CC2D2A: variants seen among roughly 807,000 people sequenced by gnomAD.
CC2D2A encodes the protein coiled-coil and C2 domain-containing protein 2A.
Under a neutral mutation model 212.9 loss-of-function variants are expected in CC2D2A, and 155 were observed. That is an observed-to-expected ratio of 0.73 (90% CI 0.64 to 0.83). The LOEUF (loss-of-function observed/expected upper bound fraction) is 0.83. CC2D2A is among the 40% of genes least tolerant of loss of function. The probability of loss-of-function intolerance (pLI) is 0.00; values close to 1 mark genes in which losing one functional copy is unlikely to be tolerated. For missense variants in CC2D2A, 1,856 were observed against 1,956.2 expected, an observed-to-expected ratio of 0.95 and a Z score of 0.97; for synonymous variants, 667 against 686.5, an observed-to-expected ratio of 0.97 and a Z score of 0.44.
intron 17 of CC2D2A, among the ~76,000 whole-genome samples, chr4:15,547,012 T>C (rs1560176170): frequency 6.7e-6 from 1 of 149,114 alleles, no homozygotes; most frequent in African/African-American, 2.5e-5. Context: ...GAATTCCCAT[T>C]AAAAAAAAAA....
chr4:15,485,679 G>C (rs909119644), intron 4 of CC2D2A, among the ~76,000 whole-genome samples: 3 of 152,148 alleles, frequency 2.0e-5, no homozygotes, highest in Admixed American at 6.5e-5. Context: ...ACTGGAGTAA[G>C]ATATCTCATT....
chr4:15,494,686 T>C (rs6811203), intron 4 of CC2D2A, among the ~76,000 whole-genome samples: 42,657 of 152,128 alleles, frequency 0.28, 6,115 homozygotes, highest in Admixed American at 0.37. Flanking sequence ...ACAATAAGAT[T>C]GTGTCCTATG....
Position 15,582,686 on chromosome 4 carries a change from T to C in CC2D2A, c.3975+2515T>C, listed in dbSNP as rs764011885. On this transcript the variant is annotated intron_variant, in intron 30 of 36. Transcript: ENST00000424120. Reference sequence around the variant, plus strand: ...AACAGAACAATAACAAGTAATGAGATTGAAGCTGTAATGAAAAGTCTCCTA... The same window carrying C: ...AACAGAACAATAACAAGTAATGAGACTGAAGCTGTAATGAAAAGTCTCCTA... Among the ~76,000 whole-genome samples the C allele has an allele frequency of 2.6e-5, 4 of 152,094 alleles. No homozygotes were observed. In the East Asian group the frequency reaches 7.7e-4, roughly 29 times the overall value.
chr4:15,585,413 C>G (rs1360987250), intron 30 of CC2D2A, among the ~76,000 whole-genome samples: 1 of 152,054 alleles, frequency 6.6e-6, no homozygotes. Flanking sequence ...ACAATATGAT[C>G]TCATGCATAT....
intron 33 of CC2D2A, among the ~76,000 whole-genome samples, chr4:15,592,718 T>A (rs1212231602): frequency 6.6e-6 from 1 of 152,196 alleles, no homozygotes; most frequent in Admixed American, 6.5e-5. Context: ...TTATTAATTG[T>A]GGCTCTATCT....
chr4:15,598,827 T>C (rs573801869), intron 35 of CC2D2A, among the ~76,000 whole-genome samples: 39 of 152,304 alleles, frequency 2.6e-4, no homozygotes, highest in African/African-American at 9.4e-4. Flanking sequence ...CATCTGTCTG[T>C]ATATATACTA....
At chr4:15,499,846 T>C (rs1180041136) in intron 4 of CC2D2A, among the ~76,000 whole-genome samples, 3 of 152,056 alleles carry the variant, frequency 2.0e-5, no homozygotes, top group Non-Finnish European at 4.4e-5. Flanking sequence ...GAAGCCCCTG[T>C]TAACCCACCC....
At chr4:15,567,549 C>T in intron 25 of CC2D2A, 67 bp downstream of exon 25, 1 of 1,402,454 alleles carries the variant, frequency 7.1e-7, no homozygotes, top group South Asian at 1.2e-5. Flanking sequence ...CTGTAAACTT[C>T]ATGGATAGTC....
chr4:15,551,181 A>G (rs187486557), intron 18 of CC2D2A, among the ~76,000 whole-genome samples: 157 of 152,362 alleles, frequency 1.0e-3, no homozygotes, highest in Non-Finnish European at 1.6e-3. Context: ...ATAACTGTGC[A>G]ACTATGAAGT....
intron 11 of CC2D2A, among the ~76,000 whole-genome samples, chr4:15,524,468 TGA>T (rs1717390767): frequency 8.0e-6 from 1 of 125,752 alleles, no homozygotes; most frequent in Non-Finnish European, 1.7e-5. Flanking sequence ...TTTTTTTTTT[TGA>T]GATGGAGTCT....
At chr4:15,514,604 A>T in intron 8 of CC2D2A, 103 bp from the exon 9 acceptor site, 1 of 856,146 alleles carries the variant, frequency 1.2e-6, no homozygotes, top group Non-Finnish European at 1.7e-6. Flanking sequence ...GAAAAGATAA[A>T]GTTGTAGGAA....
chr4:15,474,227 C>G (rs906058613), intron 1 of CC2D2A, among the ~76,000 whole-genome samples: 1 of 152,150 alleles, frequency 6.6e-6, no homozygotes, highest in African/African-American at 2.4e-5. Context: ...AGAACTTGTT[C>G]CAGGAGCCAA....
chr4:15,583,724 C>T (rs530438618), intron 30 of CC2D2A, among the ~76,000 whole-genome samples: 1 of 151,912 alleles, frequency 6.6e-6, no homozygotes, highest in Non-Finnish European at 1.5e-5. Context: ...CCGAGGCGGG[C>T]GGATCACGAG....
intron 4 of CC2D2A, among the ~76,000 whole-genome samples, chr4:15,488,136 A>G (rs902425101): frequency 6.6e-6 from 1 of 152,304 alleles, no homozygotes; most frequent in South Asian, 2.1e-4. Flanking sequence ...TTGTCTGTGT[A>G]CTTATGTTCA....
At position 15,475,937 on chromosome 4, in the gene CC2D2A, A is replaced by G. The variant is rs1210307395; in HGVS notation, c.5A>G (p.Asn2Ser). The change falls in exon 2 of 37, where the codon AAT (asparagine) becomes AGT (serine). Residue 2 changes from asparagine to serine, a missense_variant. Physicochemically the swap from Asn to Ser is conservative, Grantham distance 46 (BLOSUM62 1). Coordinates refer to ENST00000424120, the MANE Select transcript of CC2D2A (RefSeq NM_001378615.1). The part of the protein sequence containing the change: M[N>S]PREEKVKIIT... ...CAGGGACCCATCCCAGCCAAAATGAATCCCAGGGAAGAAAAAGTAAAAATA... is the reference window on the plus strand; with the variant it reads ...CAGGGACCCATCCCAGCCAAAATGAGTCCCAGGGAAGAAAAAGTAAAAATA... 2 of 1,588,256 alleles carry G rather than the reference A, an allele frequency of 1.3e-6. No individual in the cohort carries two copies. The highest frequency in any genetic ancestry group is 1.8e-5 in the Admixed American group (1 of 56,224).
chr4:15,540,296 T>C (rs1023870636), intron 16 of CC2D2A, among the ~76,000 whole-genome samples: 4 of 152,064 alleles, frequency 2.6e-5, no homozygotes, highest in African/African-American at 9.7e-5. Flanking sequence ...TTGTTTTTTT[T>C]TTTAACTTTC....
chr4:15,566,063 C>T (rs1303032697), intron 24 of CC2D2A, among the ~76,000 whole-genome samples: 1 of 152,148 alleles, frequency 6.6e-6, no homozygotes, highest in Non-Finnish European at 1.5e-5. Flanking sequence ...TTGTATTTTG[C>T]CCAGTGATGA....
intron 36 of CC2D2A, 43 bp from the exon 37 acceptor site, chr4:15,601,194 T>C (rs1285961257): frequency 2.7e-6 from 4 of 1,482,616 alleles, no homozygotes; most frequent in Non-Finnish European, 3.7e-6. Flanking sequence ...ATGTATTAAA[T>C]CTTCAAACTT....
In CC2D2A at chr4:15,559,145, T is replaced by C; in HGVS notation, c.2830-20T>C. On this transcript the variant is annotated intron_variant, in intron 21 of 36. Coordinates refer to ENST00000424120, the MANE Select transcript of CC2D2A (RefSeq NM_001378615.1). ...AGCACCAGAGAGTGCTTTAAAATCA[T>C]TGCCTCTTTTTAATTTTAGGACTAT... 2.8e-6 allele frequency: 4 copies of C among 1,436,148 alleles called. No individual in the cohort carries two copies. Among genetic ancestry groups the C allele is most frequent in the South Asian group, 1.3e-5 (1 of 78,166 alleles). 89.0% of individuals were successfully genotyped at this position (1,436,148 alleles called of 1,614,324 possible). A position where few individuals can be genotyped will look rare whatever the true frequency, so the allele number is the denominator to read the frequency against.
Sources: allele counts gnomAD v4.1 joint callset (sites outside exome capture counted in the v4.1 genomes callset), GRCh38; gene constraint gnomAD v4.1.1; transcripts MANE v1.5; gene names NCBI Gene and HGNC (gene_info 2026-07-23, HGNC 2026-07-21).